Variants in DGKG observed in about 807,000 individuals in gnomAD.
DGKG encodes diacylglycerol kinase gamma.
DGKG carries 78 observed loss-of-function variants against 105.3 expected under a neutral mutation model. The ratio of observed to expected loss-of-function variants is 0.74; its 90% CI spans 0.62 to 0.89. The LOEUF (loss-of-function observed/expected upper bound fraction) is 0.89, where lower values mean the gene tolerates loss of function less well. DGKG is among the 40% of genes least tolerant of loss of function. The pLI, the probability that DGKG is intolerant of heterozygous loss-of-function variation, is 0.00. For synonymous variants in DGKG, 346 were observed against 367.1 expected, an observed-to-expected ratio of 0.94 and a Z score of 0.66; for missense variants, 958 against 1,020.1, an observed-to-expected ratio of 0.94 and a Z score of 0.83.
chr3:186,326,397 T>TCAAAAA (rs1560156258), intron 1 of DGKG, among the ~76,000 whole-genome samples: 5 of 149,612 alleles, frequency 3.3e-5, no homozygotes, highest in African/African-American at 1.0e-4. Context: ...AGACACTGTC[T>TCAAAAA]TAAAAAAAAA....
intron 9 of DGKG, among the ~76,000 whole-genome samples, chr3:186,276,890 C>T (rs954792884): frequency 4.6e-5 from 7 of 152,128 alleles, no homozygotes; most frequent in African/African-American, 1.2e-4. Context: ...TTCTGGGGTG[C>T]GTATGCATTT....
intron 24 of DGKG, among the ~76,000 whole-genome samples, chr3:186,150,550 A>G (rs1048219728): frequency 6.6e-6 from 1 of 152,174 alleles, no homozygotes; most frequent in South Asian, 2.1e-4. Context: ...GCCTAAGTTC[A>G]CAAACAGAGC....
intron 4 of DGKG, 24 bp downstream of exon 4, chr3:186,298,040 C>T (rs534220006): frequency 8.2e-6 from 13 of 1,589,130 alleles, no homozygotes; most frequent in African/African-American, 5.4e-5. Context: ...AAGGTCTTCC[C>T]ATCTTGGGGA....
rs1303359322 is a variant in DGKG at position 186,284,467 on chromosome 3, C to A, written c.594+193G>T. 6.7e-6 allele frequency among the ~76,000 whole-genome samples: 1 copy of A among 150,228 alleles called. No individual in the cohort carries two copies. Among genetic ancestry groups the A allele is most frequent in the Non-Finnish European group, 1.5e-5 (1 of 68,028 alleles). On this transcript the variant is annotated intron_variant, in intron 7 of 24. Coordinates refer to ENST00000265022, the MANE Select transcript of DGKG (RefSeq NM_001346.3). The surrounding 1 kb of genome is among the most constrained non-coding windows in gnomAD (Gnocchi z 4.0). The stretch of plus-strand genomic sequence containing the variant: ...CTTCTAGAGCGAAAAGGTAAGTTGG[C>A]ATTCACGCTCTGCAAGGCCGGCCCT...
In DGKG at chr3:186,264,781, A is replaced by G. The variant is rs191163701; in HGVS notation, c.1269+466T>C. Among the ~76,000 whole-genome samples, 223 of 152,328 alleles carry G rather than the reference A, an allele frequency of 1.5e-3. 1 individual carries two copies. The highest frequency in any genetic ancestry group is 6.8e-3 in the Middle Eastern group (2 of 294). Reference sequence around the variant, plus strand: ...CATTCCTTGGAACTCTGTGGAAGACACAAAAAATGTTCATTGCTGAACCCA... The same window carrying G: ...CATTCCTTGGAACTCTGTGGAAGACGCAAAAAATGTTCATTGCTGAACCCA... On this transcript the variant is annotated intron_variant, in intron 14 of 24. Coordinates refer to ENST00000265022, the MANE Select transcript of DGKG (RefSeq NM_001346.3).
rs1230866833 is a variant in DGKG at position 186,211,832 on chromosome 3, G to A, written c.1880C>T (p.Ala627Val). 1.9e-6 allele frequency: 3 copies of A among 1,614,116 alleles called. No individual in the cohort carries two copies. Among genetic ancestry groups the A allele is most frequent in the Admixed American group, 1.7e-5 (1 of 60,030 alleles). Residue 627 changes from alanine (A) to valine (V), a missense_variant, in exon 21 of 25, where the codon GCG (alanine) becomes GTG (valine). Around this residue, in one of 2 missense-constraint regions of DGKG, gnomAD observed 315 missense variants for 400.6 expected, o/e 0.79. Coordinates refer to ENST00000265022, the MANE Select transcript of DGKG (RefSeq NM_001346.3). ...GTGGTCGTGGAGTTTCTTGCAGGTC[G>A]CTGCAAAAGTCTCCGAGGTGCCAAA... ...FEFGTSETFA[A>V]TCKKLHDHIE...
At chr3:186,197,939 G>T (rs1560090686) in intron 21 of DGKG, among the ~76,000 whole-genome samples, 2 of 152,038 alleles carry the variant, frequency 1.3e-5, no homozygotes, top group African/African-American at 4.8e-5. Flanking sequence ...TCACTGCCTT[G>T]TTTTCTCCTC....
intron 19 of DGKG, among the ~76,000 whole-genome samples, chr3:186,247,762 T>C (rs78105067): frequency 7.2e-4 from 109 of 152,284 alleles, no homozygotes; most frequent in African/African-American, 2.5e-3. Context: ...TGCAACATAA[T>C]ATTAAACATG....
chr3:186,342,304 T>C (rs1159389573), intron 1 of DGKG, among the ~76,000 whole-genome samples: 1 of 152,118 alleles, frequency 6.6e-6, no homozygotes, highest in African/African-American at 2.4e-5. Context: ...AAAGAACACA[T>C]GTGAGTTCAT....
chr3:186,342,567 T>A (rs977600175), intron 1 of DGKG, among the ~76,000 whole-genome samples: 1 of 152,192 alleles, frequency 6.6e-6, no homozygotes, highest in African/African-American at 2.4e-5. Context: ...TATTTGATTT[T>A]TTGTTTTGTT....
At chr3:186,187,817 C>T (rs980802247) in intron 22 of DGKG, among the ~76,000 whole-genome samples, 1 of 152,096 alleles carries the variant, frequency 6.6e-6, no homozygotes, top group Non-Finnish European at 1.5e-5. Flanking sequence ...GTCCTAGAAG[C>T]CAAGTGGACC....
intron 7 of DGKG, among the ~76,000 whole-genome samples, chr3:186,281,492 G>C (rs1261027217): frequency 1.3e-5 from 2 of 152,222 alleles, no homozygotes; most frequent in African/African-American, 2.4e-5. Context: ...CACCAGTTAA[G>C]ATGTTCACAG....
rs754152152 is a variant in DGKG, at chr3:186,320,415, G to A, written c.45C>T (p.Asp15=). ...RWVSLTPEEF[D]QLQKYSEYSS... ...CACATTCTGAATATTTCTGGAGTTG[G>A]TCAAATTCTTCTGGAGTGAGGGAGA... Residue 15 remains aspartate (D), a synonymous_variant, in exon 2 of 25, where the codon GAC becomes GAT. Transcript: ENST00000265022. 8.7e-6 allele frequency: 14 copies of A among 1,614,168 alleles called. 1 individual carries two copies. The South Asian group carries it at 1.4e-4, about 16-fold the overall frequency.
At chr3:186,307,565 C>T (rs1040686052) in intron 2 of DGKG, among the ~76,000 whole-genome samples, 13 of 152,194 alleles carry the variant, frequency 8.5e-5, no homozygotes, top group African/African-American at 3.1e-4. Context: ...TAGTGCTTGT[C>T]ATATAGTGTT....
At chr3:186,291,406 A>T (rs1333451852) in intron 5 of DGKG, among the ~76,000 whole-genome samples, 1 of 152,244 alleles carries the variant, frequency 6.6e-6, no homozygotes, top group Non-Finnish European at 1.5e-5. Flanking sequence ...ACAATTAAGT[A>T]CATGAAAAGA....
intron 19 of DGKG, among the ~76,000 whole-genome samples, chr3:186,250,557 CT>C (rs10529645): frequency 5.2e-5 from 6 of 116,172 alleles, no homozygotes; most frequent in Non-Finnish European, 8.4e-5. Context: ...TTCTGTCATT[CT>C]TTTTTTTTTG....
chr3:186,261,586 T>G (rs1578742263), intron 15 of DGKG, 113 bp downstream of exon 15: 1 of 767,902 alleles, frequency 1.3e-6, no homozygotes. Context: ...CAGGTGGCAG[T>G]GCTGGGATTT....
intron 1 of DGKG, among the ~76,000 whole-genome samples, chr3:186,324,643 AG>A (rs1725248392): frequency 6.6e-6 from 1 of 152,258 alleles, no homozygotes. Context: ...GCTAATCATC[AG>A]ATACATGTAC....
intron 3 of DGKG, chr3:186,306,695 G>T (rs562174087): frequency 9.8e-4 from 507 of 519,190 alleles, no homozygotes; most frequent in Non-Finnish European, 1.5e-3. Flanking sequence ...GAGAAGTAGT[G>T]GTAGTCTTCT....
Sources: gnomAD v4.1 joint callset for allele counts (sites outside exome capture counted in the v4.1 genomes callset) on GRCh38, gnomAD v4.1.1 for gene constraint, gnomAD v4.1.1 regional missense constraint, Gnocchi (gnomAD v3.1) non-coding constraint, MANE v1.5 for transcripts, NCBI Gene and HGNC (gene_info 2026-07-23, HGNC 2026-07-21) for gene names.